MORC3: variants seen among roughly 807,000 people sequenced by gnomAD.
The protein encoded by MORC3 is MORC family CW-type zinc finger protein 3.
Under a neutral mutation model 109.1 loss-of-function variants are expected in MORC3, and 31 were observed. That is an observed-to-expected ratio of 0.28 (90% confidence interval 0.21 to 0.38). MORC3 has a LOEUF of 0.38. MORC3 is among the 10% of genes least tolerant of loss of function. MORC3 has a pLI of 1.00. For synonymous variants in MORC3, 395 were observed against 380.7 expected, an observed-to-expected ratio of 1.04 and a Z score of -0.44; for missense variants, 867 against 1,135.8, an observed-to-expected ratio of 0.76 and a Z score of 3.40.
At chr21:36,327,068 G>A (rs2085255441) in intron 1 of MORC3, among the ~76,000 whole-genome samples, 1 of 150,892 alleles carries the variant, frequency 6.6e-6, no homozygotes, top group East Asian at 2.0e-4. Context: ...GCCCACCTCA[G>A]CCTCCCAAAG....
chr21:36,353,028 AC>A (rs1303304426), intron 9 of MORC3, among the ~76,000 whole-genome samples: 2 of 151,974 alleles, frequency 1.3e-5, no homozygotes, highest in African/African-American at 4.8e-5. Context: ...TTAAATATAT[AC>A]TGTATTCTTA....
intron 5 of MORC3, among the ~76,000 whole-genome samples, chr21:36,340,541 T>C (rs534563861): frequency 6.6e-6 from 1 of 152,168 alleles, no homozygotes; most frequent in South Asian, 2.1e-4. Flanking sequence ...TTTTTTCACT[T>C]AGCATAACTC....
chr21:36,322,239 A>G (rs2085202105), intron 1 of MORC3, among the ~76,000 whole-genome samples: 1 of 151,892 alleles, frequency 6.6e-6, no homozygotes, highest in African/African-American at 2.4e-5. Flanking sequence ...TTATTGGAAT[A>G]TAGCCAGAAA....
chr21:36,336,898 A>G lies in MORC3; in HGVS notation c.137A>G (p.Asn46Ser). ...LIDNAYDPDV[N>S]AKQIWIDKTV... The stretch of plus-strand genomic sequence containing the variant: ...GATAATGCTTATGATCCTGATGTGA[A>G]CGCTAAACAAATATGGATTGACAAA... The change falls in exon 3 of 17, where the codon AAC (asparagine) becomes AGC (serine). Residue 46 changes from asparagine (N) to serine (S), a missense_variant. Asn to Ser is a conservative substitution (Grantham distance 46, BLOSUM62 1). This residue lies in a region of MORC3 where 53 missense variants were observed against 130.3 expected (regional missense o/e 0.41). Coordinates refer to ENST00000400485, the MANE Select transcript of MORC3 (RefSeq NM_015358.3). 1 of 1,612,004 alleles carries G rather than the reference A, an allele frequency of 6.2e-7. No individual in the cohort carries two copies.
intron 1 of MORC3, chr21:36,320,625 T>C (rs2085180812): frequency 7.4e-6 from 2 of 271,890 alleles, no homozygotes; most frequent in Admixed American, 5.4e-5. Context: ...CGGTCTGCTC[T>C]CGGGGCCGCG....
At chr21:36,361,148 A>G (rs940896395) in intron 12 of MORC3, among the ~76,000 whole-genome samples, 1 of 152,010 alleles carries the variant, frequency 6.6e-6, no homozygotes, top group Non-Finnish European at 1.5e-5. Context: ...CTTCAGGCTA[A>G]TCTACCACAC....
intron 1 of MORC3, chr21:36,320,736 C>T (rs1038261183): frequency 9.4e-5 from 16 of 169,808 alleles, no homozygotes; most frequent in African/African-American, 2.9e-4. Context: ...GGCGGGGGGA[C>T]GGGGCTGCGG....
intron 2 of MORC3, among the ~76,000 whole-genome samples, chr21:36,334,490 A>G (rs146481752): frequency 6.6e-6 from 1 of 152,234 alleles, no homozygotes; most frequent in South Asian, 2.1e-4. Context: ...TTTTGAGATG[A>G]GGTCTCACCA....
intron 4 of MORC3, 33 bp downstream of exon 4, chr21:36,337,979 A>G (rs1354065477): frequency 2.5e-6 from 4 of 1,593,384 alleles, no homozygotes; most frequent in African/African-American, 1.3e-5. Context: ...AAAGCTGTGG[A>G]GAAACTGAAG....
Position 36,368,949 on chromosome 21 carries a change from T to C in MORC3, c.1620-39T>C, listed in dbSNP as rs766209243. ...TTCAAGGTCATCTATTTTGTCCATATTTTATAATCTTATGTTTTATGTATA... is the reference window on the plus strand; with the variant it reads ...TTCAAGGTCATCTATTTTGTCCATACTTTATAATCTTATGTTTTATGTATA... On this transcript the variant is annotated intron_variant, in intron 14 of 16. Transcript: ENST00000400485. 13 of 1,477,662 alleles carry C rather than the reference T, an allele frequency of 8.8e-6. 1 individual carries two copies. The highest frequency in any genetic ancestry group is 4.0e-5 in the South Asian group (3 of 75,944). The allele number at this position is 1,477,662 out of a possible 1,614,324, so 91.5% of individuals were successfully genotyped here. A position where few individuals can be genotyped will look rare whatever the true frequency, so the allele number is the denominator to read the frequency against.
intron 9 of MORC3, among the ~76,000 whole-genome samples, chr21:36,355,305 C>G (rs546656832): frequency 5.3e-4 from 81 of 152,178 alleles, no homozygotes; most frequent in Middle Eastern, 3.4e-3. Flanking sequence ...GTACCTTGTC[C>G]AATATCAAAA....
chr21:36,353,272 G>C (rs948233183), intron 9 of MORC3, among the ~76,000 whole-genome samples: 3 of 144,014 alleles, frequency 2.1e-5, no homozygotes. Context: ...CAGGAGAATT[G>C]CTTGAACCAG....
chr21:36,332,650 C>T (rs914840933), intron 1 of MORC3, among the ~76,000 whole-genome samples: 3 of 152,186 alleles, frequency 2.0e-5, no homozygotes, highest in Admixed American at 1.3e-4. Flanking sequence ...CTGTTTGTTA[C>T]TGGAGTACAA....
intron 1 of MORC3, among the ~76,000 whole-genome samples, chr21:36,322,885 A>G (rs1050710143): frequency 7.9e-5 from 12 of 151,896 alleles, no homozygotes; most frequent in African/African-American, 2.2e-4. Flanking sequence ...CCATACTTCA[A>G]TGCTTTTTTC....
intron 1 of MORC3, among the ~76,000 whole-genome samples, chr21:36,328,596 T>C (rs118096053): frequency 0.025 from 3,761 of 152,194 alleles, 65 homozygotes; most frequent in Admixed American, 0.046. Flanking sequence ...TCACCTCGGC[T>C]TCCCAAAGTG....
At chr21:36,342,441 C>T (rs1293966744) in intron 6 of MORC3, among the ~76,000 whole-genome samples, 2 of 152,050 alleles carry the variant, frequency 1.3e-5, no homozygotes, top group African/African-American at 2.4e-5. Context: ...GTCACTCTCT[C>T]ACCCAGGCTG....
At chr21:36,349,444 TA>T (rs756485135) in intron 9 of MORC3, 36 bp downstream of exon 9, 10 of 1,345,908 alleles carry the variant, frequency 7.4e-6, no homozygotes, top group Non-Finnish European at 1.0e-5. Context: ...CTGAGGTTCC[TA>T]GGAAATGTAT....
At chr21:36,330,802 C>T (rs981103342) in intron 1 of MORC3, among the ~76,000 whole-genome samples, 1 of 152,166 alleles carries the variant, frequency 6.6e-6, no homozygotes, top group Non-Finnish European at 1.5e-5. Flanking sequence ...GAAAGTTTTC[C>T]TGATGGCTCA....
chr21:36,321,741 C>T (rs2085196216), intron 1 of MORC3, among the ~76,000 whole-genome samples: 1 of 152,074 alleles, frequency 6.6e-6, no homozygotes, highest in Admixed American at 6.6e-5. Flanking sequence ...CTCTCTCCTT[C>T]CTCTCTCGAG....
Sources: allele counts gnomAD v4.1 joint callset (sites outside exome capture counted in the v4.1 genomes callset), GRCh38; gene constraint gnomAD v4.1.1; regional missense constraint gnomAD v4.1.1; transcripts MANE v1.5; gene names NCBI Gene and HGNC (gene_info 2026-07-23, HGNC 2026-07-21).